Variants in RYR2 observed in about 807,000 individuals in gnomAD.
RYR2 encodes the protein ryanodine receptor 2, also known as cardiac muscle ryanodine receptor-calcium release channel.
In RYR2, 227 loss-of-function variants were observed where a neutral mutation model predicts 601.1. The ratio of observed to expected loss-of-function variants is 0.38; its 90% CI spans 0.34 to 0.42. The LOEUF is 0.42. RYR2 is among the 10% of genes least tolerant of loss of function. RYR2 has a pLI of 1.00. For missense variants in RYR2, 4,646 were observed against 6,156.5 expected (o/e 0.75, Z 8.21); for synonymous variants, 2,223 against 2,175.1 (o/e 1.02, Z -0.61).
intron 8 of RYR2, among the ~76,000 whole-genome samples, chr1:237,378,320 G>A (rs1701197978): frequency 6.6e-6 from 1 of 152,150 alleles, no homozygotes; most frequent in East Asian, 1.9e-4. Context: ...AACTTTTGTG[G>A]TAAGGTCAAT....
intron 1 of RYR2, among the ~76,000 whole-genome samples, chr1:237,253,022 G>A (rs1016014242): frequency 1.6e-4 from 25 of 151,818 alleles, no homozygotes; most frequent in East Asian, 5.8e-4. Context: ...AAAATGAGCC[G>A]GGCGTGGTGG....
At chr1:237,831,446 TA>T in intron 103 of RYR2, 67 bp from the exon 104 acceptor site, 2 of 865,202 alleles carry the variant, frequency 2.3e-6, no homozygotes, top group Non-Finnish European at 3.8e-6. Flanking sequence ...ACAATTTATC[TA>T]AATATGCCCT....
intron 1 of RYR2, among the ~76,000 whole-genome samples, chr1:237,168,234 T>A (rs1676933842): frequency 6.6e-6 from 1 of 152,082 alleles, no homozygotes; most frequent in African/African-American, 2.4e-5. Flanking sequence ...CCTTCTTAGA[T>A]TCCTGGGCAT....
intron 1 of RYR2, among the ~76,000 whole-genome samples, chr1:237,121,756 G>A (rs1670804773): frequency 6.6e-6 from 1 of 152,168 alleles, no homozygotes; most frequent in African/African-American, 2.4e-5. Context: ...GGTTCCTTGG[G>A]GCAGGCATGG....
At chr1:237,183,979 A>G (rs1356868749) in intron 1 of RYR2, among the ~76,000 whole-genome samples, 1 of 152,218 alleles carries the variant, frequency 6.6e-6, no homozygotes, top group Non-Finnish European at 1.5e-5. Context: ...CCAGCTGCAT[A>G]AGAGAAAGAG....
chr1:237,555,377 T>A (rs532659754), intron 27 of RYR2, among the ~76,000 whole-genome samples: 3 of 152,210 alleles, frequency 2.0e-5, no homozygotes, highest in East Asian at 3.9e-4. Context: ...CCCTAGAGGA[T>A]GTAGGTAGCA....
chr1:237,613,966 G>T, intron 36 of RYR2, 73 bp from the exon 37 acceptor site: 2 of 1,419,396 alleles, frequency 1.4e-6, no homozygotes, highest in Non-Finnish European at 1.9e-6. Context: ...AGTGCATACT[G>T]ATTTCTCCTC....
chr1:237,773,289 A>C (rs972332576), intron 86 of RYR2, among the ~76,000 whole-genome samples: 8 of 152,178 alleles, frequency 5.3e-5, no homozygotes, highest in African/African-American at 1.9e-4. Context: ...TTTAAAGCTA[A>C]GTTTTCTTCT....
chr1:237,800,046 C>G (rs1253754608), intron 97 of RYR2: 2 of 152,054 alleles, frequency 1.3e-5, no homozygotes, highest in African/African-American at 4.8e-5. Flanking sequence ...TCAGCCTCAC[C>G]GAAACAAACA....
chr1:237,211,643 A>G (rs943601693), intron 1 of RYR2, among the ~76,000 whole-genome samples: 2 of 152,334 alleles, frequency 1.3e-5, no homozygotes, highest in African/African-American at 4.8e-5. Context: ...CAATGGATTT[A>G]TGCTTTGCTT....
At chr1:237,399,535 C>T (rs1220237384) in intron 10 of RYR2, among the ~76,000 whole-genome samples, 2 of 152,152 alleles carry the variant, frequency 1.3e-5, no homozygotes, top group Admixed American at 1.3e-4. Context: ...AACCAGTACT[C>T]AGGAAAAAGT....
At chr1:237,594,747 G>A (rs1305899323) in intron 33 of RYR2, among the ~76,000 whole-genome samples, 2 of 151,682 alleles carry the variant, frequency 1.3e-5, no homozygotes, top group Admixed American at 1.3e-4. Flanking sequence ...TTTTTTGCTG[G>A]TTTTGTTAAT....
Position 237,828,014 on chromosome 1 carries a change from A to G in RYR2, c.14591-367A>G, listed in dbSNP as rs192195220. ...TTAAGTGGTGATGTTTCATTTCTAC[A>G]TTAGTACTTGAAAAATCTGATTAGT... On this transcript the variant is annotated intron_variant, in intron 101 of 104. Coordinates refer to ENST00000366574, the MANE Select transcript of RYR2 (RefSeq NM_001035.3). Among the ~76,000 whole-genome samples the G allele has an allele frequency of 1.6e-3, 236 of 150,398 alleles. 1 individual carries two copies. The highest frequency in any genetic ancestry group is 2.5e-3 in the Non-Finnish European group (166 of 67,556).
At chr1:237,806,074 C>T in intron 98 of RYR2, 63 bp from the exon 99 acceptor site, 1 of 1,438,064 alleles carries the variant, frequency 7.0e-7, no homozygotes, top group Admixed American at 1.7e-5. Flanking sequence ...TTTGCTTAAC[C>T]CATAACAATA....
At chr1:237,335,756 A>G (rs1258079496) in intron 3 of RYR2, among the ~76,000 whole-genome samples, 1 of 152,164 alleles carries the variant, frequency 6.6e-6, no homozygotes, top group Non-Finnish European at 1.5e-5. Context: ...TGATGGAGTA[A>G]TAGATTAACA....
At chr1:237,464,616 C>G (rs1572442229) in intron 16 of RYR2, among the ~76,000 whole-genome samples, 2 of 152,140 alleles carry the variant, frequency 1.3e-5, no homozygotes, top group East Asian at 3.9e-4. Context: ...AGTCCCTTAT[C>G]AAGATATTTC....
chr1:237,798,143 C>A lies in RYR2; in HGVS notation c.14063C>A (p.Pro4688Gln). 6.2e-7 allele frequency: 1 copy of A among 1,612,202 alleles called. No individual in the cohort carries two copies. Among genetic ancestry groups the A allele is most frequent in the East Asian group, 2.2e-5 (1 of 44,836 alleles). ...DFSDAREKKK[P>Q]KKDSSLSAVL... is the part of the protein sequence containing the mutation. Reference sequence around the variant, plus strand: ...AGTGATGCCAGAGAAAAGAAGAAGCCAAAGAAAGACAGCTCCTTATCAGCT... The same window carrying A: ...AGTGATGCCAGAGAAAAGAAGAAGCAAAAGAAAGACAGCTCCTTATCAGCT... Residue 4688 changes from proline to glutamine, a missense_variant, in exon 97 of 105, where the codon CCA (proline) becomes CAA (glutamine). Pro to Gln is a moderately conservative substitution (Grantham distance 76). Coordinates refer to ENST00000366574, the MANE Select transcript of RYR2 (RefSeq NM_001035.3).
At chr1:237,804,135 C>T (rs1477532979) in intron 98 of RYR2, among the ~76,000 whole-genome samples, 1 of 151,850 alleles carries the variant, frequency 6.6e-6, no homozygotes, top group East Asian at 2.0e-4. Context: ...TTTCACAAAC[C>T]GTTATCCTTC....
chr1:237,142,985 C>T (rs1043181302), intron 1 of RYR2, among the ~76,000 whole-genome samples: 1 of 152,074 alleles, frequency 6.6e-6, no homozygotes, highest in African/African-American at 2.4e-5. Context: ...TTTAGACTAT[C>T]GTTCGAACAC....
Sources: allele counts gnomAD v4.1 joint callset (sites outside exome capture counted in the v4.1 genomes callset), GRCh38; gene constraint gnomAD v4.1.1; transcripts MANE v1.5; gene names NCBI Gene and HGNC (gene_info 2026-07-23, HGNC 2026-07-21).